CADPS: variants seen among roughly 807,000 people sequenced by gnomAD.
CADPS encodes calcium-dependent secretion activator 1.
CADPS carries 57 observed loss-of-function variants against 167.3 expected under a neutral mutation model. That is an observed-to-expected ratio of 0.34 (90% CI 0.28 to 0.42). The LOEUF is 0.42. Among genes scored for constraint, CADPS ranks in the 20% least tolerant of loss-of-function variants. The pLI, the probability that CADPS is intolerant of heterozygous loss-of-function variation, is 1.00. For synonymous variants in CADPS, 676 were observed against 635.3 expected (o/e 1.06, Z -0.96); for missense variants, 1,414 against 1,738.1 (o/e 0.81, Z 3.32).
intron 1 of CADPS, among the ~76,000 whole-genome samples, chr3:62,790,172 T>G (rs899258946): frequency 1.3e-4 from 20 of 152,184 alleles, no homozygotes; most frequent in African/African-American, 4.8e-4. Context: ...CAGGAAAATG[T>G]TCATAAAGAG....
intron 7 of CADPS, among the ~76,000 whole-genome samples, chr3:62,588,299 T>TTC (rs757209521): frequency 1.1e-4 from 16 of 146,438 alleles, no homozygotes; most frequent in South Asian, 6.3e-4. Context: ...AGGTCTTTCT[T>TTC]TTTTTTTTTT....
Position 62,417,273 on chromosome 3 carries a change from ACTCTTTT to A in CADPS, c.3778-14095_3778-14089del, listed in dbSNP as rs1276235269. On this transcript the variant is annotated intron_variant, in intron 28 of 29. Coordinates refer to ENST00000383710, the MANE Select transcript of CADPS (RefSeq NM_003716.4). The stretch of plus-strand genomic sequence containing the variant: ...TTAACACAATAACTATTTTTCTTTT[ACTCTTTT>A]TTTTTTTTTTTTTTTTTTTTTTTTG... 6.0e-4 allele frequency among the ~76,000 whole-genome samples: 31 copies of A among 51,532 alleles called. 2 individuals carry two copies. Among genetic ancestry groups the A allele is most frequent in the African/African-American group, 1.9e-3 (21 of 11,224 alleles). The allele number at this position is 51,532 out of a possible 152,430, so 33.8% of individuals were successfully genotyped here.
At chr3:62,738,300 TG>T (rs1564504358) in intron 3 of CADPS, among the ~76,000 whole-genome samples, 1 of 152,206 alleles carries the variant, frequency 6.6e-6, no homozygotes, top group Non-Finnish European at 1.5e-5. Flanking sequence ...AGAGAAAATA[TG>T]TTCTTTCCTC....
intron 1 of CADPS, among the ~76,000 whole-genome samples, chr3:62,782,641 G>C (rs1034577449): frequency 2.0e-5 from 3 of 152,194 alleles, no homozygotes; most frequent in African/African-American, 4.8e-5. Context: ...CATTGAAAGA[G>C]CAGAAATATT....
intron 6 of CADPS, among the ~76,000 whole-genome samples, chr3:62,594,549 T>C (rs2086867159): frequency 6.6e-6 from 1 of 152,224 alleles, no homozygotes; most frequent in Non-Finnish European, 1.5e-5. Context: ...TGAAATAGAA[T>C]TGAACATTAA....
At position 62,465,927 on chromosome 3, in the gene CADPS, T is replaced by C; in HGVS notation, c.3552+412A>G. 6.6e-6 allele frequency among the ~76,000 whole-genome samples: 1 copy of C among 152,228 alleles called. No homozygotes were observed. Among genetic ancestry groups the C allele is most frequent in the East Asian group, 1.9e-4 (1 of 5,204 alleles). On this transcript the variant is annotated intron_variant, in intron 25 of 29. Coordinates refer to ENST00000383710, the MANE Select transcript of CADPS (RefSeq NM_003716.4). This position sits in a 1 kb window ranked among gnomAD's most constrained non-coding sequence, Gnocchi z 4.1. ...AAATTCTATAATTCATGAGGGTGAC[T>C]GAAATAGCTTTATCTGACTTTTATG...
intron 3 of CADPS, among the ~76,000 whole-genome samples, chr3:62,685,495 G>A (rs1283927649): frequency 5.9e-5 from 9 of 151,934 alleles, no homozygotes; most frequent in Non-Finnish European, 1.3e-4. Flanking sequence ...GTTTCAGTTT[G>A]GAGTTTAATA....
rs79183161 is a variant in CADPS, at chr3:62,429,211, A to G, written c.3777+8893T>C. Among the ~76,000 whole-genome samples the G allele has an allele frequency of 0.01, 1,578 of 152,268 alleles. 74 individuals carry two copies. In the East Asian group the frequency reaches 0.15, roughly 14 times the overall value. The stretch of plus-strand genomic sequence containing the variant: ...AGTTGGGGCAAATAAGTTTGAAGTA[A>G]TTGATCTTGCCCACTATGTGCCAAA... On this transcript the variant is annotated intron_variant, in intron 28 of 29. Transcript: ENST00000383710.
At chr3:62,730,662 T>C (rs78997989) in intron 3 of CADPS, among the ~76,000 whole-genome samples, 1 of 152,200 alleles carries the variant, frequency 6.6e-6, no homozygotes, top group Non-Finnish European at 1.5e-5. Flanking sequence ...TGCACCAGAC[T>C]GGGAGACCAG....
At chr3:62,837,425 C>T (rs1413472437) in intron 1 of CADPS, among the ~76,000 whole-genome samples, 1 of 152,134 alleles carries the variant, frequency 6.6e-6, no homozygotes, top group Non-Finnish European at 1.5e-5. Context: ...CAGCAATGTG[C>T]CAGGGCACTT....
chr3:62,565,726 T>C (rs1446398750), intron 9 of CADPS, among the ~76,000 whole-genome samples: 2 of 152,208 alleles, frequency 1.3e-5, no homozygotes, highest in Admixed American at 6.5e-5. Flanking sequence ...ATAGTAATTT[T>C]AGCTCTGATC....
chr3:62,840,933 G>C (rs2153041979), intron 1 of CADPS, among the ~76,000 whole-genome samples: 1 of 152,272 alleles, frequency 6.6e-6, no homozygotes, highest in Non-Finnish European at 1.5e-5. Context: ...AATCACAATA[G>C]AAACAGTTAG....
chr3:62,410,163 A>G (rs1414219232), intron 28 of CADPS, among the ~76,000 whole-genome samples: 1 of 152,176 alleles, frequency 6.6e-6, no homozygotes. Context: ...TGGCCTAAGA[A>G]CAAATAACCA....
intron 3 of CADPS, among the ~76,000 whole-genome samples, chr3:62,701,923 A>G (rs2081472333): frequency 6.6e-6 from 1 of 152,156 alleles, no homozygotes; most frequent in Non-Finnish European, 1.5e-5. Flanking sequence ...TTTTATTCCT[A>G]AGCAGATAGC....
chr3:62,776,498 C>CA (rs1371209200), intron 1 of CADPS, among the ~76,000 whole-genome samples: 9 of 152,040 alleles, frequency 5.9e-5, no homozygotes, highest in Non-Finnish European at 1.5e-5. Flanking sequence ...ACTAAAAATA[C>CA]AAAAAATTAG....
intron 3 of CADPS, among the ~76,000 whole-genome samples, chr3:62,733,982 G>A (rs537492301): frequency 5.9e-5 from 9 of 152,112 alleles, no homozygotes; most frequent in East Asian, 3.9e-4. Context: ...TCCGTTTTAC[G>A]GTGAGTAGTA....
Position 62,874,900 on chromosome 3 carries a change from C to A in CADPS, c.130G>T (p.Gly44Cys). 2 of 1,365,562 alleles carry A rather than the reference C, an allele frequency of 1.5e-6. No individual in the cohort carries two copies. Among genetic ancestry groups the A allele is most frequent in the Non-Finnish European group, 1.9e-6 (2 of 1,051,978 alleles). The allele number at this position is 1,365,562 out of a possible 1,614,324, so 84.6% of individuals were successfully genotyped here. Residue 44 changes from glycine to cysteine, a missense_variant, in exon 1 of 30, where the codon GGC becomes TGC. Gly to Cys is a radical substitution (Grantham distance 159). Coordinates refer to ENST00000383710, the MANE Select transcript of CADPS (RefSeq NM_003716.4). The surrounding 1 kb of genome is among the most constrained non-coding windows in gnomAD (Gnocchi z 7.1). ...SPSRTSEGSA[G>C]SAGLGGGGAG... ...CCGCCGCCCCCCAGCCCGGCGCTGC[C>A]GGCCGAGCCCTCGCTGGTACGGCTG...
intron 13 of CADPS, among the ~76,000 whole-genome samples, chr3:62,519,792 AT>A (rs200056343): frequency 2.3e-4 from 34 of 147,950 alleles, no homozygotes; most frequent in Admixed American, 4.7e-4. Context: ...ACAAAAACAA[AT>A]TTTTTTTTTT....
chr3:62,831,231 T>G (rs2075023701), intron 1 of CADPS, among the ~76,000 whole-genome samples: 1 of 152,186 alleles, frequency 6.6e-6, no homozygotes, highest in Admixed American at 6.5e-5. Flanking sequence ...CTTAATCTCA[T>G]GAAAACTCTT....
Sources: allele counts gnomAD v4.1 joint callset (sites outside exome capture counted in the v4.1 genomes callset), GRCh38; gene constraint gnomAD v4.1.1; non-coding constraint Gnocchi (gnomAD v3.1); transcripts MANE v1.5; gene names NCBI Gene and HGNC (gene_info 2026-07-23, HGNC 2026-07-21).